LYST: variants seen among roughly 807,000 people sequenced by gnomAD.
LYST encodes the protein lysosomal-trafficking regulator.
LYST carries 192 observed loss-of-function variants against 413.6 expected under a neutral mutation model. The ratio of observed to expected loss-of-function variants is 0.46; its 90% confidence interval spans 0.41 to 0.52. LYST has a LOEUF of 0.52. LYST is among the 20% of genes least tolerant of loss of function. The pLI is 0.00. For missense variants in LYST, 3,815 were observed against 4,499.9 expected, an observed-to-expected ratio of 0.85 and a Z score of 4.35; for synonymous variants, 1,525 against 1,567.3, an observed-to-expected ratio of 0.97 and a Z score of 0.64.
chr1:235,670,326 T>C (rs1267960208), intron 50 of LYST, among the ~76,000 whole-genome samples: 1 of 152,236 alleles, frequency 6.6e-6, no homozygotes, highest in Non-Finnish European at 1.5e-5. Flanking sequence ...TTGTTTGGTA[T>C]GCTCTTGCAA....
chr1:235,838,915 TG>T (rs904750235), intron 1 of LYST, among the ~76,000 whole-genome samples: 7 of 152,164 alleles, frequency 4.6e-5, no homozygotes, highest in African/African-American at 1.7e-4. Context: ...GTCCATTTGT[TG>T]GTAAGAATCT....
intron 16 of LYST, among the ~76,000 whole-genome samples, chr1:235,778,284 C>T (rs955711524): frequency 2.0e-5 from 3 of 151,314 alleles, no homozygotes; most frequent in Non-Finnish European, 2.9e-5. Context: ...GTAGTAGATG[C>T]CAAACCCAGG....
At chr1:235,688,035 T>C (rs1660352704) in intron 47 of LYST, among the ~76,000 whole-genome samples, 1 of 152,256 alleles carries the variant, frequency 6.6e-6, no homozygotes, top group African/African-American at 2.4e-5. Context: ...TGGATCCAAT[T>C]TTATGTTTTC....
chr1:235,766,614 C>T (rs1197576425), intron 20 of LYST, among the ~76,000 whole-genome samples: 1 of 152,126 alleles, frequency 6.6e-6, no homozygotes, highest in East Asian at 1.9e-4. Context: ...GCCATGTGAT[C>T]TTAGGTAAGT....
At chr1:235,782,913 T>C (rs762308593) in intron 14 of LYST, among the ~76,000 whole-genome samples, 2 of 152,244 alleles carry the variant, frequency 1.3e-5, no homozygotes, top group Admixed American at 1.3e-4. Context: ...GCTAAGTGAT[T>C]ATGCAGCTTT....
intron 37 of LYST, 105 bp downstream of exon 37, chr1:235,729,491 A>T: frequency 1.3e-6 from 1 of 778,346 alleles, no homozygotes; most frequent in South Asian, 1.4e-5. Flanking sequence ...ATACTACAGA[A>T]AGTTTATCCA....
Position 235,715,498 on chromosome 1 carries a change from A to C in LYST, c.9628-141T>G, listed in dbSNP as rs183728846. 5 of 755,782 alleles carry C rather than the reference A, an allele frequency of 6.6e-6. No homozygotes were observed. In the East Asian group the frequency reaches 1.3e-4, roughly 20 times the overall value. 46.8% of individuals were successfully genotyped at this position (755,782 alleles called of 1,614,324 possible). On this transcript the variant is annotated intron_variant, in intron 41 of 52. Transcript: ENST00000389793. ...ATGGCTGGCCCTCCCACTCTTACCC[A>C]GGAGACTTCAGCCTCCTTGAGTGTC... is the stretch of plus-strand genomic sequence containing the variant.
In LYST at chr1:235,748,300, TAA is replaced by T. The variant is rs567900752; in HGVS notation, c.7781-1775_7781-1774del. On this transcript the variant is annotated intron_variant, in intron 28 of 52. Coordinates refer to ENST00000389793, the MANE Select transcript of LYST (RefSeq NM_000081.4). ...ACCTTCATGCATTAAGGGTGATGTG[TAA>T]AGTTTTTCATACTAATAAGCAGACA... Among the ~76,000 whole-genome samples the T allele has an allele frequency of 4.6e-5, 7 of 152,282 alleles. No individual in the cohort carries two copies. The South Asian group carries it at 1.2e-3, about 27-fold the overall frequency.
At position 235,830,259 on chromosome 1, in the gene LYST, T is replaced by A. The variant is rs373917160; in HGVS notation, c.159A>T (p.Leu53=). ...GQYLVHGRGF[L]LLTKLNSIID... The stretch of plus-strand genomic sequence containing the variant: ...TTATAGAATTTAGCTTGGTAAGTAA[T>A]AGAAATCCTCGACCATGGACAAGGT... The change falls in exon 3 of 53, where the codon CTA becomes CTT. Residue 53 remains leucine (L), a synonymous_variant. Transcript: ENST00000389793. The A allele has an allele frequency of 1.2e-6, 2 of 1,613,940 alleles. No individual in the cohort carries two copies. The highest frequency in any genetic ancestry group is 2.7e-5 in the African/African-American group (2 of 75,012).
intron 1 of LYST, among the ~76,000 whole-genome samples, chr1:235,863,814 A>G (rs182299586): frequency 2.0e-5 from 3 of 152,380 alleles, no homozygotes; most frequent in African/African-American, 4.8e-5. Flanking sequence ...ACTACTAATA[A>G]TCTCAGCTTT....
At chr1:235,765,845 T>G (rs772975886) in intron 21 of LYST, among the ~76,000 whole-genome samples, 1 of 152,178 alleles carries the variant, frequency 6.6e-6, no homozygotes, top group Non-Finnish European at 1.5e-5. Context: ...ATACACATTT[T>G]TTTTTTTTAC....
intron 45 of LYST, among the ~76,000 whole-genome samples, chr1:235,699,062 T>A (rs191245072): frequency 7.9e-4 from 120 of 152,302 alleles, no homozygotes; most frequent in South Asian, 3.1e-3. Context: ...CAAGGGCAAC[T>A]GTTTTATATC....
intron 28 of LYST, chr1:235,747,136 AGAG>A: frequency 2.8e-6 from 1 of 354,512 alleles, no homozygotes; most frequent in South Asian, 2.1e-5. Context: ...CAGACTGAAC[AGAG>A]AGGAGTGGCA....
chr1:235,697,392 C>T, intron 45 of LYST, 120 bp from the exon 46 acceptor site: 1 of 709,532 alleles, frequency 1.4e-6, no homozygotes, highest in Non-Finnish European at 2.4e-6. Flanking sequence ...TCTGTAAGGG[C>T]AATAATTATT....
intron 28 of LYST, among the ~76,000 whole-genome samples, chr1:235,747,706 G>A (rs1666065686): frequency 6.6e-6 from 1 of 152,176 alleles, no homozygotes; most frequent in South Asian, 2.1e-4. Flanking sequence ...ACTGAATAAG[G>A]AAATGTTAAG....
At position 235,798,578 on chromosome 1, in the gene LYST, T is replaced by TAA. The variant is rs71174462; in HGVS notation, c.4006+1740_4006+1741dup. On this transcript the variant is annotated intron_variant, in intron 10 of 52. Transcript: ENST00000389793. ...TGGCGACAAGGGCAAAACCCTGTCA[T>TAA]AAAAAAAAAAAAAAAAAAAAAAAAA... Among the ~76,000 whole-genome samples, 13 of 81,688 alleles carry TAA rather than the reference T, an allele frequency of 1.6e-4. 1 individual carries two copies. Among genetic ancestry groups the TAA allele is most frequent in the East Asian group, 1.1e-3 (2 of 1,814 alleles). The allele number at this position is 81,688 out of a possible 152,430, so 53.6% of individuals were successfully genotyped here. A position where few individuals can be genotyped will look rare whatever the true frequency, so the allele number is the denominator to read the frequency against.
intron 8 of LYST, among the ~76,000 whole-genome samples, chr1:235,802,152 C>A (rs1226970856): frequency 6.9e-6 from 1 of 145,344 alleles, no homozygotes; most frequent in East Asian, 2.0e-4. Flanking sequence ...CGAGATCACG[C>A]CACTGCACTC....
intron 1 of LYST, among the ~76,000 whole-genome samples, chr1:235,850,145 C>A (rs1005448472): frequency 1.3e-5 from 2 of 152,104 alleles, no homozygotes; most frequent in Non-Finnish European, 2.9e-5. Context: ...GCCATAGTCA[C>A]CAAAATAGTG....
intron 28 of LYST, among the ~76,000 whole-genome samples, chr1:235,750,273 G>GT: frequency 6.6e-6 from 1 of 152,272 alleles, no homozygotes; most frequent in Non-Finnish European, 1.5e-5. Flanking sequence ...GTAGAGGGCA[G>GT]TAAGTTTAGT....
Sources: gnomAD v4.1 joint callset for allele counts (sites outside exome capture counted in the v4.1 genomes callset) on GRCh38, gnomAD v4.1.1 for gene constraint, MANE v1.5 for transcripts, NCBI Gene and HGNC (gene_info 2026-07-23, HGNC 2026-07-21) for gene names.